The following TMOD2 variants were observed in gnomAD, a reference collection of about 807,000 sequenced individuals.
TMOD2 encodes tropomodulin-2.
A neutral mutation model predicts 39.9 loss-of-function variants in TMOD2; 22 were observed. The ratio of observed to expected loss-of-function variants is 0.55; its 90% confidence interval spans 0.39 to 0.79. The LOEUF (loss-of-function observed/expected upper bound fraction) is 0.79. Among genes scored for constraint, TMOD2 ranks in the 30% least tolerant of loss-of-function variants. The pLI is 0.00. For missense variants in TMOD2, 386 were observed against 413.3 expected, an observed-to-expected ratio of 0.93 and a Z score of 0.57; for synonymous variants, 123 against 146.1, an observed-to-expected ratio of 0.84 and a Z score of 1.14.
intron 5 of TMOD2, 49 bp downstream of exon 5, chr15:51,777,067 A>C (rs754977923): frequency 6.6e-7 from 1 of 1,523,186 alleles, no homozygotes; most frequent in Admixed American, 1.7e-5. Context: ...GAGCCTCCAG[A>C]GTTGCTGGTA....
intron 9 of TMOD2, among the ~76,000 whole-genome samples, chr15:51,807,651 C>A (rs548091114): frequency 1.3e-5 from 2 of 152,164 alleles, no homozygotes; most frequent in Non-Finnish European, 2.9e-5. Context: ...ATGGACAGGG[C>A]AGCCTACGTC....
At chr15:51,799,039 C>T (rs2056071204) in intron 8 of TMOD2, among the ~76,000 whole-genome samples, 2 of 152,180 alleles carry the variant, frequency 1.3e-5, no homozygotes, top group East Asian at 1.9e-4. Flanking sequence ...TTTTTCCCAG[C>T]GTCAGCCTGC....
At chr15:51,780,966 A>G (rs932651427) in intron 5 of TMOD2, 78 bp from the exon 6 acceptor site, 6 of 1,214,216 alleles carry the variant, frequency 4.9e-6, no homozygotes, top group Non-Finnish European at 5.8e-6. Flanking sequence ...TATGAAAGAA[A>G]TGTCATTTTT....
chr15:51,779,539 C>T (rs376768967), intron 5 of TMOD2, among the ~76,000 whole-genome samples: 2 of 152,190 alleles, frequency 1.3e-5, no homozygotes, highest in Admixed American at 1.3e-4. Flanking sequence ...CACCACCACG[C>T]CCGGCTAATT....
At chr15:51,789,110 G>A (rs1185061064) in intron 7 of TMOD2, among the ~76,000 whole-genome samples, 2 of 152,130 alleles carry the variant, frequency 1.3e-5, no homozygotes, top group Admixed American at 1.3e-4. Context: ...GTACCCAGGA[G>A]ACCCATCTCA....
At position 51,795,610 on chromosome 15, in the gene TMOD2, C is replaced by CT. The variant is rs142684105; in HGVS notation, c.733-2584dup. On this transcript the variant is annotated intron_variant, in intron 7 of 9. Transcript: ENST00000249700. Reference sequence around the variant, plus strand: ...TCTTTCTTTCTTTCTTTCTTTCTTTCTTTCTTTCTTTCTTTCTTTCTTTCT... The same window carrying CT: ...TCTTTCTTTCTTTCTTTCTTTCTTTCTTTTCTTTCTTTCTTTCTTTCTTTCT... 4.3e-4 allele frequency among the ~76,000 whole-genome samples: 53 copies of CT among 122,774 alleles called. 1 individual carries two copies. The highest frequency in any genetic ancestry group is 1.5e-3 in the African/African-American group (51 of 33,810). 80.5% of individuals were successfully genotyped at this position (122,774 alleles called of 152,430 possible).
At chr15:51,783,279 C>T (rs1206703926) in intron 7 of TMOD2, 2 of 158,364 alleles carry the variant, frequency 1.3e-5, no homozygotes, top group Admixed American at 6.4e-5. Flanking sequence ...GTCGGGAGTT[C>T]GAGACCAGCC....
At chr15:51,758,184 G>C (rs952319424) in intron 1 of TMOD2, among the ~76,000 whole-genome samples, 3 of 151,870 alleles carry the variant, frequency 2.0e-5, no homozygotes, top group African/African-American at 7.3e-5. Flanking sequence ...CTGACTTTGA[G>C]ATCCCCTGGT....
chr15:51,777,135 T>A, intron 5 of TMOD2, 117 bp downstream of exon 5: 1 of 847,968 alleles, frequency 1.2e-6, no homozygotes, highest in East Asian at 2.8e-5. Context: ...CTAGGATCAC[T>A]TGGGCTTTGA....
rs1261295600 is a variant in TMOD2, at chr15:51,815,377, T to C, written c.*6923T>C. 6.6e-6 allele frequency: 1 copy of C among 152,248 alleles called. No individual in the cohort carries two copies. The highest frequency in any genetic ancestry group is 2.4e-5 in the African/African-American group (1 of 41,424). 9.4% of individuals were successfully genotyped at this position (152,248 alleles called of 1,614,324 possible). On this transcript the variant is annotated 3_prime_UTR_variant, in exon 10 of 10. Coordinates refer to ENST00000249700, the MANE Select transcript of TMOD2 (RefSeq NM_014548.4). ...CACAGCATTTTTTTGTAGGCTCTTATTTAAAATGTGTGTGTGTGTGTGTAT... is the reference window on the plus strand; with the variant it reads ...CACAGCATTTTTTTGTAGGCTCTTACTTAAAATGTGTGTGTGTGTGTGTAT...
chr15:51,788,429 A>G (rs544346504), intron 7 of TMOD2, among the ~76,000 whole-genome samples: 6 of 152,348 alleles, frequency 3.9e-5, no homozygotes, highest in African/African-American at 1.2e-4. Context: ...GAAGAATGGA[A>G]CCAAGTTAGA....
At chr15:51,805,566 G>A (rs1461934393) in intron 8 of TMOD2, among the ~76,000 whole-genome samples, 2 of 152,170 alleles carry the variant, frequency 1.3e-5, no homozygotes, top group Non-Finnish European at 2.9e-5. Flanking sequence ...AATATAACAT[G>A]TGCACAACAC....
chr15:51,752,204 C>CG (rs978293670), intron 1 of TMOD2, among the ~76,000 whole-genome samples: 2 of 152,088 alleles, frequency 1.3e-5, no homozygotes, highest in Non-Finnish European at 2.9e-5. Flanking sequence ...AGCTGTCACT[C>CG]GCAGGGCGTT....
chr15:51,773,911 C>T, intron 4 of TMOD2, 77 bp downstream of exon 4: 3 of 1,477,418 alleles, frequency 2.0e-6, no homozygotes, highest in Non-Finnish European at 2.7e-6. Context: ...TGGCAGCAGG[C>T]TTTGAGCTTC....
intron 7 of TMOD2, among the ~76,000 whole-genome samples, chr15:51,795,052 T>C (rs2056038291): frequency 1.3e-5 from 2 of 152,208 alleles, no homozygotes; most frequent in African/African-American, 2.4e-5. Context: ...GCAGGTAACT[T>C]GTTTTTCCTT....
At chr15:51,800,387 T>G (rs2056079406) in intron 8 of TMOD2, among the ~76,000 whole-genome samples, 2 of 152,090 alleles carry the variant, frequency 1.3e-5, no homozygotes, top group Admixed American at 1.3e-4. Context: ...AATCCAGAAA[T>G]TACCCAGGTG....
chr15:51,798,584 G>A (rs2141639442), intron 8 of TMOD2, among the ~76,000 whole-genome samples: 1 of 152,314 alleles, frequency 6.6e-6, no homozygotes. Flanking sequence ...ACAACCCTAG[G>A]CTAGTCAGGC....
intron 1 of TMOD2, among the ~76,000 whole-genome samples, chr15:51,763,095 C>A (rs1391920900): frequency 8.2e-6 from 1 of 121,746 alleles, no homozygotes; most frequent in Non-Finnish European, 1.8e-5. Flanking sequence ...CCACCATGCC[C>A]AGCTAATTTT....
At chr15:51,755,284 C>A (rs1285645778) in intron 1 of TMOD2, among the ~76,000 whole-genome samples, 1 of 152,214 alleles carries the variant, frequency 6.6e-6, no homozygotes, top group Non-Finnish European at 1.5e-5. Context: ...GTTCCTTGGC[C>A]TTGGTCCCAT....
Sources: gnomAD v4.1 joint callset for allele counts (sites outside exome capture counted in the v4.1 genomes callset) on GRCh38, gnomAD v4.1.1 for gene constraint, MANE v1.5 for transcripts, NCBI Gene and HGNC (gene_info 2026-07-23, HGNC 2026-07-21) for gene names.